The following SENP7 variants were observed in gnomAD, a reference collection of about 807,000 sequenced individuals.
SENP7 encodes the protein sentrin-specific protease 7.
Under a neutral mutation model 141.2 loss-of-function variants are expected in SENP7, and 64 were observed. The ratio of observed to expected loss-of-function variants is 0.45; its 90% CI spans 0.37 to 0.56. The LOEUF is 0.56. SENP7 is among the 20% of genes least tolerant of loss of function. SENP7 has a pLI of 0.00. For missense variants in SENP7, 1,025 were observed against 1,212.2 expected (o/e 0.85, Z 2.29); for synonymous variants, 382 against 426.4 (o/e 0.90, Z 1.28).
At chr3:101,471,942 C>T (rs1285038828) in intron 3 of SENP7, among the ~76,000 whole-genome samples, 5 of 152,188 alleles carry the variant, frequency 3.3e-5, no homozygotes, top group Non-Finnish European at 7.3e-5. Flanking sequence ...CAAATCAAAA[C>T]CACAATGAGA....
intron 6 of SENP7, among the ~76,000 whole-genome samples, chr3:101,386,248 G>A (rs894506842): frequency 2.1e-4 from 32 of 152,156 alleles, no homozygotes; most frequent in Admixed American, 1.4e-3. Flanking sequence ...TGGCTAAGAT[G>A]CACTCAGAGC....
intron 5 of SENP7, among the ~76,000 whole-genome samples, chr3:101,416,536 C>T (rs10804837): frequency 0.4 from 60,367 of 151,972 alleles, 12,508 homozygotes; most frequent in Admixed American, 0.54. Flanking sequence ...TCTGCTAGAA[C>T]ATAGAATGAG....
At chr3:101,449,398 C>A (rs924887350) in intron 4 of SENP7, among the ~76,000 whole-genome samples, 3 of 152,072 alleles carry the variant, frequency 2.0e-5, no homozygotes, top group African/African-American at 7.2e-5. Context: ...TCGAGAAGAG[C>A]AACTCCAAGA....
chr3:101,494,038 C>T, intron 2 of SENP7, 70 bp from the exon 3 acceptor site: 1 of 872,878 alleles, frequency 1.1e-6, no homozygotes, highest in South Asian at 1.5e-5. Flanking sequence ...CTAACAGAAC[C>T]ACTATACTAC....
At chr3:101,402,616 C>A (rs867017199) in intron 5 of SENP7, among the ~76,000 whole-genome samples, 182 of 93,634 alleles carry the variant, frequency 1.9e-3, no homozygotes, top group Middle Eastern at 5.7e-3. Flanking sequence ...GACTCCGTCT[C>A]AAAAAAAAAA....
chr3:101,403,508 G>A (rs961082567), intron 5 of SENP7, among the ~76,000 whole-genome samples: 1 of 152,138 alleles, frequency 6.6e-6, no homozygotes, highest in African/African-American at 2.4e-5. Flanking sequence ...ATCTTTGGGG[G>A]TTTTTTGTCT....
intron 4 of SENP7, among the ~76,000 whole-genome samples, chr3:101,452,999 A>G (rs1034452436): frequency 3.3e-5 from 5 of 152,082 alleles, no homozygotes; most frequent in East Asian, 1.9e-4. Context: ...AATCTACAAT[A>G]AACTCAAACA....
intron 6 of SENP7, among the ~76,000 whole-genome samples, chr3:101,383,675 C>A (rs533294223): frequency 6.6e-6 from 1 of 152,342 alleles, no homozygotes; most frequent in East Asian, 1.9e-4. Context: ...TACACGCCAG[C>A]CCCCTGCCAC....
chr3:101,407,148 T>C (rs1198267337), intron 5 of SENP7, among the ~76,000 whole-genome samples: 1 of 152,092 alleles, frequency 6.6e-6, no homozygotes, highest in Non-Finnish European at 1.5e-5. Flanking sequence ...CAGCTATTCT[T>C]ATATCAGACA....
At chr3:101,344,832 G>A (rs1376885512) in intron 13 of SENP7, among the ~76,000 whole-genome samples, 1 of 151,736 alleles carries the variant, frequency 6.6e-6, no homozygotes. Flanking sequence ...TCATGACCAA[G>A]GGCAAGAAAC....
chr3:101,420,314 G>A (rs1576296444), intron 4 of SENP7, among the ~76,000 whole-genome samples: 1 of 152,178 alleles, frequency 6.6e-6, no homozygotes, highest in South Asian at 2.1e-4. Flanking sequence ...CTTGCAGTAA[G>A]CCGAGATTGC....
At chr3:101,499,127 A>C (rs1269848194) in intron 2 of SENP7, among the ~76,000 whole-genome samples, 1 of 152,168 alleles carries the variant, frequency 6.6e-6, no homozygotes. Context: ...CTTTTCTGTA[A>C]GTCTCAACTT....
intron 6 of SENP7, among the ~76,000 whole-genome samples, chr3:101,382,893 T>C (rs969822288): frequency 2.0e-5 from 3 of 152,216 alleles, no homozygotes; most frequent in African/African-American, 7.2e-5. Flanking sequence ...AAGTGTAGTA[T>C]AGCAAACTTG....
chr3:101,508,047 CAAAAAAAA>C (rs61638290), intron 1 of SENP7, among the ~76,000 whole-genome samples: 2 of 90,134 alleles, frequency 2.2e-5, no homozygotes, highest in East Asian at 3.1e-4. Flanking sequence ...GACTCCATCT[CAAAAAAAA>C]AAAAAAAAAA....
intron 3 of SENP7, among the ~76,000 whole-genome samples, chr3:101,463,034 A>G (rs2063600920): frequency 1.3e-5 from 2 of 152,142 alleles, no homozygotes; most frequent in African/African-American, 4.8e-5. Context: ...TATCCTTATT[A>G]TACAAAGAAT....
chr3:101,503,532 C>T lies in SENP7; in HGVS notation c.41-2413G>A, dbSNP rs373092791. 1.8e-4 allele frequency among the ~76,000 whole-genome samples: 28 copies of T among 152,308 alleles called. No homozygotes were observed. In the South Asian group the frequency reaches 4.6e-3, roughly 25 times the overall value. The stretch of plus-strand genomic sequence containing the variant: ...AATAAAAGATAATGAATTACTGCTA[C>T]GCACAATATGGATACATTTCTCAGG... On this transcript the variant is annotated intron_variant, in intron 1 of 23. Transcript: ENST00000394095.
chr3:101,383,473 T>C (rs1176564024), intron 6 of SENP7, among the ~76,000 whole-genome samples: 6 of 152,158 alleles, frequency 3.9e-5, no homozygotes, highest in Admixed American at 3.9e-4. Context: ...TGCAGCCACA[T>C]AGCCACAGCT....
intron 11 of SENP7, among the ~76,000 whole-genome samples, chr3:101,352,182 TC>T (rs2059630135): frequency 6.6e-6 from 1 of 152,044 alleles, no homozygotes; most frequent in Non-Finnish European, 1.5e-5. Context: ...ATGTGAATAT[TC>T]TGTTTCTGTA....
intron 3 of SENP7, among the ~76,000 whole-genome samples, chr3:101,487,003 G>A (rs939707355): frequency 2.6e-5 from 4 of 152,170 alleles, no homozygotes; most frequent in African/African-American, 9.7e-5. Flanking sequence ...TAAAGCAACA[G>A]CAGTTAAAAG....
Sources: gnomAD v4.1 joint callset for allele counts (sites outside exome capture counted in the v4.1 genomes callset) on GRCh38, gnomAD v4.1.1 for gene constraint, MANE v1.5 for transcripts, NCBI Gene and HGNC (gene_info 2026-07-23, HGNC 2026-07-21) for gene names.